Variants in CTNND2 observed in about 807,000 individuals in gnomAD.
CTNND2 encodes the protein catenin delta 2.
In CTNND2, 22 loss-of-function variants were observed where a neutral mutation model predicts 144.4. That is an observed-to-expected ratio of 0.15 (90% confidence interval 0.11 to 0.22). The LOEUF (loss-of-function observed/expected upper bound fraction) is 0.22, where lower values mean the gene tolerates loss of function less well. CTNND2 is among the 10% of genes least tolerant of loss of function. The probability of loss-of-function intolerance (pLI) is 1.00; values close to 1 mark genes in which losing one functional copy is unlikely to be tolerated. For missense variants in CTNND2, 1,353 were observed against 1,618.8 expected, an observed-to-expected ratio of 0.84 and a Z score of 2.82; for synonymous variants, 751 against 695.6, an observed-to-expected ratio of 1.08 and a Z score of -1.25.
intron 2 of CTNND2, among the ~76,000 whole-genome samples, chr5:11,721,446 C>T (rs576441831): frequency 6.6e-6 from 1 of 152,202 alleles, no homozygotes; most frequent in Non-Finnish European, 1.5e-5. Context: ...TCTAACATGA[C>T]TGATTTTTTA....
At chr5:11,529,759 C>T (rs1265062574) in intron 3 of CTNND2, among the ~76,000 whole-genome samples, 1 of 151,916 alleles carries the variant, frequency 6.6e-6, no homozygotes, top group Non-Finnish European at 1.5e-5. Context: ...TAAAAAAGGG[C>T]TGTAAAGAGA....
intron 2 of CTNND2, among the ~76,000 whole-genome samples, chr5:11,659,216 A>T (rs1783061534): frequency 6.6e-6 from 1 of 152,174 alleles, no homozygotes; most frequent in African/African-American, 2.4e-5. Context: ...ACATTGTATT[A>T]GGTATTATAA....
chr5:11,280,986 G>A (rs957513516), intron 9 of CTNND2, among the ~76,000 whole-genome samples: 3 of 151,806 alleles, frequency 2.0e-5, no homozygotes, highest in African/African-American at 7.2e-5. Context: ...TCAAGGTGGG[G>A]AAGAAAAAAG....
chr5:11,273,502 C>T (rs1215404743), intron 9 of CTNND2, among the ~76,000 whole-genome samples: 1 of 152,202 alleles, frequency 6.6e-6, no homozygotes, highest in Non-Finnish European at 1.5e-5. Flanking sequence ...TTAAAAATAA[C>T]TTTGCATTTA....
At chr5:11,203,612 C>A (rs1334264331) in intron 10 of CTNND2, among the ~76,000 whole-genome samples, 1 of 151,744 alleles carries the variant, frequency 6.6e-6, no homozygotes, top group Admixed American at 6.6e-5. Context: ...TAGGCTCAAG[C>A]GATTTATCCG....
At chr5:11,098,457 T>TC (rs894282070) in intron 15 of CTNND2, 118 bp downstream of exon 15, 66 of 907,240 alleles carry the variant, frequency 7.3e-5, no homozygotes, top group East Asian at 1.6e-4. Context: ...AATTTTTTTT[T>TC]CTCTAACATC....
At chr5:11,485,388 T>C (rs1008263016) in intron 3 of CTNND2, among the ~76,000 whole-genome samples, 220 of 128,024 alleles carry the variant, frequency 1.7e-3, no homozygotes, top group African/African-American at 6.2e-3. Flanking sequence ...CGCGCGCGCG[T>C]GCGCGCGCAC....
chr5:11,060,646 A>G (rs1746859628), intron 16 of CTNND2, among the ~76,000 whole-genome samples: 1 of 152,176 alleles, frequency 6.6e-6, no homozygotes, highest in African/African-American at 2.4e-5. Flanking sequence ...GGCATGAATA[A>G]ATCTGTTTAA....
chr5:11,323,961 G>C (rs745652453), intron 9 of CTNND2, among the ~76,000 whole-genome samples: 12 of 152,122 alleles, frequency 7.9e-5, no homozygotes, highest in Non-Finnish European at 1.3e-4. Flanking sequence ...CTTGGTGTCA[G>C]GGTGGGGCCC....
chr5:11,575,924 A>C (rs141149691), intron 2 of CTNND2, among the ~76,000 whole-genome samples: 1 of 152,252 alleles, frequency 6.6e-6, no homozygotes, highest in African/African-American at 2.4e-5. Flanking sequence ...GTGTTTATCC[A>C]CTGACATTCA....
chr5:11,322,505 C>T (rs1561216255), intron 9 of CTNND2, among the ~76,000 whole-genome samples: 2 of 152,206 alleles, frequency 1.3e-5, no homozygotes, highest in African/African-American at 4.8e-5. Flanking sequence ...AAGAGTTCCA[C>T]TGAAGTGTCA....
chr5:11,480,644 A>ATGTGTGTG (rs112150074), intron 3 of CTNND2, among the ~76,000 whole-genome samples: 3,369 of 138,020 alleles, frequency 0.024, 52 homozygotes, highest in Admixed American at 0.026. Flanking sequence ...GAAAATACAT[A>ATGTGTGTG]TATGTGTGTG....
At chr5:11,452,786 T>C (rs1765409527) in intron 3 of CTNND2, among the ~76,000 whole-genome samples, 1 of 152,218 alleles carries the variant, frequency 6.6e-6, no homozygotes, top group African/African-American at 2.4e-5. Context: ...ATGTAGTTCA[T>C]TTAAAATTGA....
At chr5:11,149,652 C>A (rs545346024) in intron 12 of CTNND2, among the ~76,000 whole-genome samples, 1 of 152,044 alleles carries the variant, frequency 6.6e-6, no homozygotes, top group African/African-American at 2.4e-5. Flanking sequence ...CAGTGAAGGA[C>A]GCAGGACTAA....
intron 18 of CTNND2, among the ~76,000 whole-genome samples, chr5:11,015,520 T>A (rs981160349): frequency 9.2e-5 from 14 of 152,258 alleles, no homozygotes; most frequent in Admixed American, 9.2e-4. Context: ...TAAATTCCTG[T>A]CAACACATTC....
chr5:11,430,206 G>A lies in CTNND2; in HGVS notation c.288-18137C>T, dbSNP rs1370752812. Among the ~76,000 whole-genome samples the A allele has an allele frequency of 4.5e-5, 6 of 132,956 alleles. No homozygotes were observed. The South Asian group carries it at 7.0e-4, about 16-fold the overall frequency. 87.2% of individuals were successfully genotyped at this position (132,956 alleles called of 152,430 possible). A position where few individuals can be genotyped will look rare whatever the true frequency, so the allele number is the denominator to read the frequency against. ...GGAAGTTTCAGTGAGCTGAGACTGCGCCACTGCACTCCAGCCTGGGCAACA... is the reference window on the plus strand; with the variant it reads ...GGAAGTTTCAGTGAGCTGAGACTGCACCACTGCACTCCAGCCTGGGCAACA... On this transcript the variant is annotated intron_variant, in intron 3 of 21. Transcript: ENST00000304623.
chr5:11,260,460 C>T (rs1744747689), intron 9 of CTNND2, among the ~76,000 whole-genome samples: 1 of 152,084 alleles, frequency 6.6e-6, no homozygotes, highest in Non-Finnish European at 1.5e-5. Context: ...TTATCTTTTA[C>T]AATATCAAAA....
chr5:11,229,897 C>T (rs1740811557), intron 10 of CTNND2, among the ~76,000 whole-genome samples: 2 of 151,640 alleles, frequency 1.3e-5, no homozygotes, highest in Non-Finnish European at 2.9e-5. Flanking sequence ...CTGGTGTGTG[C>T]ATTGGAAGAA....
At chr5:11,560,327 C>T (rs1053226630) in intron 3 of CTNND2, among the ~76,000 whole-genome samples, 1 of 152,158 alleles carries the variant, frequency 6.6e-6, no homozygotes, top group African/African-American at 2.4e-5. Context: ...ATAATTGTTG[C>T]TATTGTCATA....
Sources: gnomAD v4.1 joint callset for allele counts (sites outside exome capture counted in the v4.1 genomes callset) on GRCh38, gnomAD v4.1.1 for gene constraint, MANE v1.5 for transcripts, NCBI Gene and HGNC (gene_info 2026-07-23, HGNC 2026-07-21) for gene names.